The following LTBP1 variants were observed in gnomAD, a reference collection of about 807,000 sequenced individuals.
LTBP1 encodes the protein latent-transforming growth factor beta-binding protein 1.
A neutral mutation model predicts 207.6 loss-of-function variants in LTBP1; 129 were observed. That is an observed-to-expected ratio of 0.62 (90% CI 0.54 to 0.72). The LOEUF (loss-of-function observed/expected upper bound fraction) is 0.72, where lower values mean the gene tolerates loss of function less well. Among genes scored for constraint, LTBP1 ranks in the 30% least tolerant of loss-of-function variants. The probability of loss-of-function intolerance (pLI) is 0.00; values close to 1 mark genes in which losing one functional copy is unlikely to be tolerated. For missense variants in LTBP1, 2,281 were observed against 2,217.2 expected (o/e 1.03, Z -0.58); for synonymous variants, 963 against 833.7 (o/e 1.16, Z -2.67).
At chr2:32,999,099 C>T (rs947127850) in intron 2 of LTBP1, among the ~76,000 whole-genome samples, 1 of 152,122 alleles carries the variant, frequency 6.6e-6, no homozygotes, top group African/African-American at 2.4e-5. Flanking sequence ...CTGTTGCTTC[C>T]TAAAGTTTGA....
At chr2:32,976,833 T>G (rs959304774) in intron 2 of LTBP1, among the ~76,000 whole-genome samples, 4 of 152,188 alleles carry the variant, frequency 2.6e-5, no homozygotes, top group African/African-American at 7.2e-5. Flanking sequence ...TGAGGGCTCC[T>G]CCCTGCTTGG....
At chr2:33,397,551 A>C (rs1408819769) in intron 33 of LTBP1, among the ~76,000 whole-genome samples, 1 of 119,122 alleles carries the variant, frequency 8.4e-6, no homozygotes, top group Non-Finnish European at 1.6e-5. Context: ...CTTGTCGCCC[A>C]GGCTGGAGTG....
At chr2:33,175,790 G>T (rs1013072161) in intron 5 of LTBP1, among the ~76,000 whole-genome samples, 6 of 151,088 alleles carry the variant, frequency 4.0e-5, no homozygotes, top group Non-Finnish European at 5.9e-5. Context: ...TTAAGAAAAT[G>T]TGGCACATGT....
intron 31 of LTBP1, 109 bp from the exon 32 acceptor site, chr2:33,389,073 GAC>G (rs1184148359): frequency 1.4e-6 from 2 of 1,443,584 alleles, no homozygotes; most frequent in Non-Finnish European, 1.9e-6. Context: ...AGGAGATGGA[GAC>G]ACACGTGGAA....
intron 22 of LTBP1, among the ~76,000 whole-genome samples, chr2:33,304,338 G>C (rs2094049433): frequency 6.6e-6 from 1 of 152,152 alleles, no homozygotes; most frequent in South Asian, 2.1e-4. Context: ...GTGATATTTA[G>C]CCATAATTAA....
intron 31 of LTBP1, among the ~76,000 whole-genome samples, chr2:33,368,482 C>A (rs747632396): frequency 2.0e-5 from 3 of 152,194 alleles, no homozygotes; most frequent in African/African-American, 4.8e-5. Flanking sequence ...TACCCATAAA[C>A]AATGCTGCAA....
At chr2:33,186,707 G>C in intron 5 of LTBP1, 149 bp from the exon 6 acceptor site, 1 of 625,642 alleles carries the variant, frequency 1.6e-6, no homozygotes, top group Non-Finnish European at 2.8e-6. Context: ...TTTTGGCATA[G>C]CGAGTTTACT....
At chr2:33,340,501 C>T (rs1436897797) in intron 24 of LTBP1, among the ~76,000 whole-genome samples, 1 of 152,218 alleles carries the variant, frequency 6.6e-6, no homozygotes, top group South Asian at 2.1e-4. Flanking sequence ...CGTCACTGAA[C>T]GTGGGAAGAG....
chr2:33,279,824 C>G (rs992612850), intron 18 of LTBP1, among the ~76,000 whole-genome samples: 1 of 152,170 alleles, frequency 6.6e-6, no homozygotes. Context: ...CAGGTTCTTC[C>G]TTGGAATGTA....
intron 2 of LTBP1, among the ~76,000 whole-genome samples, 177 bp downstream of exon 2, chr2:32,949,122 C>T (rs1393003731): frequency 4.6e-5 from 7 of 152,156 alleles, no homozygotes; most frequent in African/African-American, 2.4e-5. Context: ...ATGTTAGTAT[C>T]AATGCCAGCA....
chr2:33,236,460 C>T (rs571353372), intron 9 of LTBP1, among the ~76,000 whole-genome samples: 8 of 152,308 alleles, frequency 5.3e-5, no homozygotes, highest in Admixed American at 5.2e-4. Context: ...CCTGAGCACC[C>T]TATTTCAGCA....
At chr2:33,188,426 T>TTAAAAAAA (rs2087447582) in intron 6 of LTBP1, 151 bp from the exon 7 acceptor site, 1 of 287,950 alleles carries the variant, frequency 3.5e-6, no homozygotes, top group Non-Finnish European at 5.9e-6. Context: ...AAACTCCATC[T>TTAAAAAAA]CAAAAAAAAA....
At chr2:33,304,380 G>A (rs2149063641) in intron 22 of LTBP1, among the ~76,000 whole-genome samples, 1 of 152,328 alleles carries the variant, frequency 6.6e-6, no homozygotes, top group Middle Eastern at 3.4e-3. Flanking sequence ...GCCTCTGACA[G>A]CTGTGCAAGG....
At chr2:32,971,530 T>C (rs1680881732) in intron 2 of LTBP1, among the ~76,000 whole-genome samples, 1 of 152,234 alleles carries the variant, frequency 6.6e-6, no homozygotes, top group African/African-American at 2.4e-5. Context: ...CAAAAGCCTT[T>C]TCTGCATCTA....
At chr2:33,149,354 C>T (rs2083333174) in intron 5 of LTBP1, among the ~76,000 whole-genome samples, 1 of 151,788 alleles carries the variant, frequency 6.6e-6, no homozygotes, top group Non-Finnish European at 1.5e-5. Context: ...CTTTCCATTG[C>T]CATTCTTTCC....
chr2:33,382,330 G>C (rs1164315613), intron 31 of LTBP1, among the ~76,000 whole-genome samples: 1 of 151,872 alleles, frequency 6.6e-6, no homozygotes, highest in Non-Finnish European at 1.5e-5. Flanking sequence ...CCTGACTGTA[G>C]GTGATCCACC....
chr2:33,223,313 A>G (rs1324771223), intron 9 of LTBP1, among the ~76,000 whole-genome samples: 1 of 152,214 alleles, frequency 6.6e-6, no homozygotes, highest in East Asian at 1.9e-4. Flanking sequence ...CTTTGGTAAC[A>G]TAAAAGAATT....
At chr2:33,209,844 C>T (rs2090165337) in intron 7 of LTBP1, among the ~76,000 whole-genome samples, 1 of 152,120 alleles carries the variant, frequency 6.6e-6, no homozygotes, top group South Asian at 2.1e-4. Context: ...ATATGGCTGT[C>T]TCACATACAG....
chr2:33,396,711 A>C (rs1281724883), intron 32 of LTBP1, among the ~76,000 whole-genome samples: 1 of 152,206 alleles, frequency 6.6e-6, no homozygotes, highest in East Asian at 1.9e-4. Context: ...GTATTGCCTC[A>C]CACTCTTACG....
Sources: allele counts gnomAD v4.1 joint callset (sites outside exome capture counted in the v4.1 genomes callset), GRCh38; gene constraint gnomAD v4.1.1; transcripts MANE v1.5; gene names NCBI Gene and HGNC (gene_info 2026-07-23, HGNC 2026-07-21).